The following SNTG1 variants were observed in gnomAD, a reference collection of about 807,000 sequenced individuals.
SNTG1 encodes the protein syntrophin gamma 1.
Under a neutral mutation model 74.7 loss-of-function variants are expected in SNTG1, and 39 were observed. The ratio of observed to expected loss-of-function variants is 0.52; its 90% CI spans 0.40 to 0.68. SNTG1 has a LOEUF of 0.68. Among genes scored for constraint, SNTG1 ranks in the 30% least tolerant of loss-of-function variants. The pLI is 0.00. For synonymous variants in SNTG1, 254 were observed against 217.1 expected, an observed-to-expected ratio of 1.17 and a Z score of -1.49; for missense variants, 685 against 609.5, an observed-to-expected ratio of 1.12 and a Z score of -1.30.
chr8:50,500,816 A>G (rs1445372974), intron 8 of SNTG1, among the ~76,000 whole-genome samples: 1 of 151,970 alleles, frequency 6.6e-6, no homozygotes, highest in African/African-American at 2.4e-5. Context: ...GGATTGTTTG[A>G]AGGGATGGAA....
At chr8:50,403,995 G>A (rs564060089) in intron 4 of SNTG1, among the ~76,000 whole-genome samples, 13 of 152,094 alleles carry the variant, frequency 8.5e-5, no homozygotes, top group Non-Finnish European at 1.8e-4. Flanking sequence ...ACAGGAAGAG[G>A]CAAAATGGCT....
At chr8:50,436,542 T>C (rs138887495) in intron 4 of SNTG1, among the ~76,000 whole-genome samples, 1 of 152,240 alleles carries the variant, frequency 6.6e-6, no homozygotes, top group East Asian at 1.9e-4. Flanking sequence ...AAGCTTTTAA[T>C]TGCTATGTAT....
rs1811434626 is a variant in SNTG1, at chr8:49,969,385, A to ATATTTTTTTTTTTT, written c.-103+57155_-103+57156insATTTTTTTTTTTTT. 1.7e-5 allele frequency among the ~76,000 whole-genome samples: 2 copies of ATATTTTTTTTTTTT among 116,628 alleles called. 1 individual carries two copies. The highest frequency in any genetic ancestry group is 3.4e-5 in the Non-Finnish European group (2 of 58,524). The allele number at this position is 116,628 out of a possible 152,430, so 76.5% of individuals were successfully genotyped here. A position where few individuals can be genotyped will look rare whatever the true frequency, so the allele number is the denominator to read the frequency against. ...GCAAATACACATTTTAATTCATTTAATCTTTTTTTTTTTTTTTTTTTTTTT... is the reference window on the plus strand; with the variant it reads ...GCAAATACACATTTTAATTCATTTAATATTTTTTTTTTTTTCTTTTTTTTTTTTTTTTTTTTTTT... On this transcript the variant is annotated intron_variant, in intron 1 of 18. Transcript: ENST00000642720.
chr8:50,348,549 G>C (rs1176455779), intron 2 of SNTG1, among the ~76,000 whole-genome samples: 2 of 152,192 alleles, frequency 1.3e-5, no homozygotes, highest in Non-Finnish European at 2.9e-5. Context: ...CAAGGAGTAA[G>C]GTCTGAGGAA....
At chr8:49,975,616 C>G (rs1274707265) in intron 1 of SNTG1, among the ~76,000 whole-genome samples, 3 of 152,056 alleles carry the variant, frequency 2.0e-5, no homozygotes. Context: ...CAAGATAGCT[C>G]TCCAATAACT....
At chr8:50,278,376 T>C (rs1214839975) in intron 2 of SNTG1, among the ~76,000 whole-genome samples, 1 of 152,188 alleles carries the variant, frequency 6.6e-6, no homozygotes, top group Non-Finnish European at 1.5e-5. Context: ...TTGTACTTTA[T>C]GTCTGTCTGT....
intron 1 of SNTG1, among the ~76,000 whole-genome samples, chr8:50,126,232 T>G (rs948988267): frequency 2.0e-5 from 3 of 152,080 alleles, no homozygotes; most frequent in Non-Finnish European, 2.9e-5. Context: ...GTGACTAAAT[T>G]TCTAAGAATC....
intron 9 of SNTG1, among the ~76,000 whole-genome samples, chr8:50,518,908 T>C (rs764083966): frequency 6.6e-6 from 1 of 152,186 alleles, no homozygotes; most frequent in Admixed American, 6.5e-5. Flanking sequence ...CTTCTGAAAC[T>C]ATTCCAAACC....
intron 8 of SNTG1, among the ~76,000 whole-genome samples, chr8:50,478,085 C>A (rs2093711011): frequency 6.6e-6 from 1 of 152,092 alleles, no homozygotes; most frequent in Non-Finnish European, 1.5e-5. Flanking sequence ...TTGCTTCATT[C>A]TTCTTTTCTG....
rs888401276 is a variant in SNTG1 at position 50,794,600 on chromosome 8, C to T, written c.*1771C>T. The T allele has an allele frequency of 7.2e-5, 11 of 151,978 alleles. No individual in the cohort carries two copies. The highest frequency in any genetic ancestry group is 1.3e-4 in the Non-Finnish European group (9 of 67,950). The allele number at this position is 151,978 out of a possible 1,614,324, so 9.4% of individuals were successfully genotyped here. On this transcript the variant is annotated 3_prime_UTR_variant, in exon 19 of 19. Coordinates refer to ENST00000642720, the MANE Select transcript of SNTG1 (RefSeq NM_018967.5). ...ACAGTCATTGTAAAATTGAAACCCA[C>T]CAAAAGCAGCCTTCAGTAGTAGGCC...
intron 1 of SNTG1, among the ~76,000 whole-genome samples, chr8:50,150,997 C>A (rs980482985): frequency 1.2e-4 from 19 of 152,308 alleles, no homozygotes; most frequent in Admixed American, 3.3e-4. Flanking sequence ...ACCAGCTCCT[C>A]CTTGTTATCT....
chr8:50,161,393 A>G (rs1325335051), intron 1 of SNTG1, among the ~76,000 whole-genome samples: 2 of 152,230 alleles, frequency 1.3e-5, no homozygotes, highest in Non-Finnish European at 2.9e-5. Context: ...TTGATTGTAT[A>G]GGGCCAAAGT....
chr8:50,745,662 C>T (rs1473682656), intron 17 of SNTG1, among the ~76,000 whole-genome samples: 4 of 151,892 alleles, frequency 2.6e-5, no homozygotes, highest in South Asian at 4.1e-4. Context: ...ACTCAAGTGT[C>T]GGTCGATAAA....
At chr8:50,604,366 A>G (rs183723296) in intron 13 of SNTG1, among the ~76,000 whole-genome samples, 1 of 152,218 alleles carries the variant, frequency 6.6e-6, no homozygotes, top group Non-Finnish European at 1.5e-5. Context: ...CAGTGAGCCA[A>G]GATCACACCA....
chr8:50,307,706 G>A (rs1421374899), intron 2 of SNTG1, among the ~76,000 whole-genome samples: 3 of 151,904 alleles, frequency 2.0e-5, no homozygotes, highest in Non-Finnish European at 4.4e-5. Context: ...TGCTAATGTT[G>A]CCTCTAAGTA....
intron 1 of SNTG1, among the ~76,000 whole-genome samples, chr8:50,168,374 A>C (rs545086497): frequency 6.6e-6 from 1 of 152,170 alleles, no homozygotes; most frequent in Non-Finnish European, 1.5e-5. Context: ...TACTGCCATT[A>C]AGTAACAATT....
intron 1 of SNTG1, among the ~76,000 whole-genome samples, chr8:50,068,227 C>T (rs1424570572): frequency 6.6e-6 from 1 of 152,058 alleles, no homozygotes; most frequent in African/African-American, 2.4e-5. Flanking sequence ...GTGGGATTAG[C>T]GGGCCGGACT....
chr8:50,144,409 G>C (rs756801316), intron 1 of SNTG1, among the ~76,000 whole-genome samples: 2 of 152,200 alleles, frequency 1.3e-5, no homozygotes, highest in African/African-American at 2.4e-5. Context: ...ACCTAGGTGA[G>C]GTCATCAAGG....
chr8:50,584,342 C>T (rs2094632813), intron 12 of SNTG1, among the ~76,000 whole-genome samples: 1 of 151,374 alleles, frequency 6.6e-6, no homozygotes, highest in East Asian at 2.0e-4. Flanking sequence ...AATCACCACA[C>T]TGTCTTCCAC....
Sources: allele counts gnomAD v4.1 joint callset (sites outside exome capture counted in the v4.1 genomes callset), GRCh38; gene constraint gnomAD v4.1.1; transcripts MANE v1.5; gene names NCBI Gene and HGNC (gene_info 2026-07-23, HGNC 2026-07-21).